Variants in NFYC observed in about 807,000 individuals in gnomAD.
NFYC encodes nuclear transcription factor Y subunit gamma, also known as CAAT box DNA-binding protein subunit C.
A neutral mutation model predicts 53.1 loss-of-function variants in NFYC; 25 were observed. The observed-to-expected ratio is 0.47, with a 90% CI of 0.34 to 0.66. The LOEUF is 0.66. Among genes scored for constraint, NFYC ranks in the 30% least tolerant of loss-of-function variants. The pLI is 0.01. For missense variants in NFYC, 260 were observed against 422.7 expected (o/e 0.62, Z 3.38); for synonymous variants, 145 against 152.6 (o/e 0.95, Z 0.37).
At chr1:40,730,349 T>G (rs977693212) in intron 1 of NFYC, among the ~76,000 whole-genome samples, 3 of 152,092 alleles carry the variant, frequency 2.0e-5, no homozygotes, top group Non-Finnish European at 2.9e-5. Flanking sequence ...CCTTTAGCTT[T>G]TAAGTGAAAG....
intron 6 of NFYC, among the ~76,000 whole-genome samples, chr1:40,758,879 A>C (rs921904434): frequency 2.3e-4 from 35 of 152,302 alleles, no homozygotes; most frequent in Middle Eastern, 3.4e-3. Context: ...TCTGAATCCA[A>C]ATTCTCTGTC....
intron 1 of NFYC, among the ~76,000 whole-genome samples, chr1:40,725,576 A>AT (rs1644481040): frequency 1.3e-5 from 2 of 152,238 alleles, no homozygotes; most frequent in African/African-American, 2.4e-5. Flanking sequence ...GTGTAAACAT[A>AT]AAAACCAAAT....
intron 1 of NFYC, chr1:40,723,919 C>T (rs1334308962): frequency 6.6e-6 from 1 of 152,212 alleles, no homozygotes; most frequent in East Asian, 1.9e-4. Context: ...TCAAGTGATC[C>T]TCCCGCCTTG....
Position 40,770,969 on chromosome 1 carries a change from A to G in NFYC, c.*141A>G, listed in dbSNP as rs1219759160. The stretch of plus-strand genomic sequence containing the variant: ...CTAGGACACTGGTGCACTACACCCC[A>G]TGCCTGGGGGCCGAGATTCTCCAGC... On this transcript the variant is annotated 3_prime_UTR_variant, in exon 10 of 10. Coordinates refer to ENST00000447388, the MANE Select transcript of NFYC (RefSeq NM_014223.5). The surrounding 1 kb of genome is among the most constrained non-coding windows in gnomAD (Gnocchi z 5.3). 4 of 795,778 alleles carry G rather than the reference A, an allele frequency of 5.0e-6. No homozygotes were observed. The highest frequency in any genetic ancestry group is 2.6e-5 in the Admixed American group (1 of 39,112). The allele number at this position is 795,778 out of a possible 1,614,324, so 49.3% of individuals were successfully genotyped here. A position where few individuals can be genotyped will look rare whatever the true frequency, so the allele number is the denominator to read the frequency against.
intron 1 of NFYC, among the ~76,000 whole-genome samples, chr1:40,737,714 A>T (rs1645112940): frequency 6.6e-6 from 1 of 152,120 alleles, no homozygotes; most frequent in Non-Finnish European, 1.5e-5. Flanking sequence ...GGTTAAGGTT[A>T]GGAAAGAACT....
chr1:40,693,490 G>T (rs181584402), intron 1 of NFYC, among the ~76,000 whole-genome samples: 1 of 152,238 alleles, frequency 6.6e-6, no homozygotes, highest in Non-Finnish European at 1.5e-5. Flanking sequence ...AAACTCCTAG[G>T]GTTTTCAAAT....
At chr1:40,764,815 A>G (rs1646735128) in intron 7 of NFYC, among the ~76,000 whole-genome samples, 1 of 152,218 alleles carries the variant, frequency 6.6e-6, no homozygotes, top group Non-Finnish European at 1.5e-5. Context: ...GTCCTGCTGT[A>G]GAGGAATGAG....
chr1:40,702,162 A>G (rs946315126), intron 1 of NFYC, among the ~76,000 whole-genome samples: 1 of 152,088 alleles, frequency 6.6e-6, no homozygotes, highest in African/African-American at 2.4e-5. Flanking sequence ...AATATAACTT[A>G]TTTTCAAAAA....
At chr1:40,711,247 T>C (rs1175378676) in intron 1 of NFYC, among the ~76,000 whole-genome samples, 1 of 152,202 alleles carries the variant, frequency 6.6e-6, no homozygotes. Context: ...AGAATGCTTA[T>C]AATAAGAAAA....
At chr1:40,731,799 C>T (rs1330561159) in intron 1 of NFYC, among the ~76,000 whole-genome samples, 1 of 152,188 alleles carries the variant, frequency 6.6e-6, no homozygotes, top group East Asian at 1.9e-4. Flanking sequence ...CTTTATTTTT[C>T]TTAATCTTTC....
intron 7 of NFYC, among the ~76,000 whole-genome samples, chr1:40,763,723 A>G (rs79093051): frequency 2.0e-5 from 3 of 152,290 alleles, no homozygotes; most frequent in African/African-American, 4.8e-5. Flanking sequence ...CCTGACCACA[A>G]CTTGCTTCAC....
rs565389740 is a variant in NFYC, at chr1:40,700,190, G to A, written c.-9+8323G>A. ...TCTTAAGGATGAATGTGATTTCAAA[G>A]GTCATCTAATCCAATGCCCAATAAC... On this transcript the variant is annotated intron_variant, in intron 1 of 9. Coordinates refer to ENST00000447388, the MANE Select transcript of NFYC (RefSeq NM_014223.5). 2.6e-5 allele frequency among the ~76,000 whole-genome samples: 4 copies of A among 152,236 alleles called. No individual in the cohort carries two copies. The South Asian group carries it at 8.3e-4, about 32-fold the overall frequency.
At chr1:40,764,229 G>A (rs982878046) in intron 7 of NFYC, among the ~76,000 whole-genome samples, 1 of 152,180 alleles carries the variant, frequency 6.6e-6, no homozygotes, top group South Asian at 2.1e-4. Flanking sequence ...TAAATGAAAC[G>A]TAGGCAGGTA....
In NFYC at chr1:40,731,821, T is replaced by C. The variant is rs116476696; in HGVS notation, c.-8-7015T>C. ...TTTCTTAATCTTTCTTCAATGTATG[T>C]ATAGTTCATACTTATTTCAGTGTTT... On this transcript the variant is annotated intron_variant, in intron 1 of 9. Coordinates refer to ENST00000447388, the MANE Select transcript of NFYC (RefSeq NM_014223.5). Among the ~76,000 whole-genome samples the C allele has an allele frequency of 2.7e-3, 414 of 152,358 alleles. 1 individual carries two copies. The highest frequency in any genetic ancestry group is 9.5e-3 in the African/African-American group (394 of 41,588).
chr1:40,710,812 A>T (rs753394961), intron 1 of NFYC, among the ~76,000 whole-genome samples: 51 of 152,192 alleles, frequency 3.4e-4, no homozygotes, highest in Non-Finnish European at 5.7e-4. Context: ...AAGTTCCTGG[A>T]TGCAGGCCTC....
In NFYC at chr1:40,770,732, C is replaced by T. The variant is rs1274539450; in HGVS notation, c.912C>T (p.Val304=). Residue 304 remains valine, a synonymous_variant, in exon 10 of 10, where the codon GTC becomes GTT. Coordinates refer to ENST00000447388, the MANE Select transcript of NFYC (RefSeq NM_014223.5). This position sits in a 1 kb window ranked among gnomAD's most constrained non-coding sequence, Gnocchi z 5.3. ...DGQQLYQIQQ[V]TMPAGQDLAQ... ...AGCAGCTCTACCAGATCCAGCAAGT[C>T]ACCATGCCTGCGGGCCAGGACCTCG... The T allele has an allele frequency of 6.2e-7, 1 of 1,614,154 alleles. No individual in the cohort carries two copies.
chr1:40,758,537 T>C (rs992113612), intron 6 of NFYC: 1 of 410,810 alleles, frequency 2.4e-6, no homozygotes, highest in African/African-American at 2.1e-5. Flanking sequence ...TTCTCCAGGA[T>C]CCCTATTAGC....
intron 1 of NFYC, chr1:40,709,536 G>C (rs536064781): frequency 8.5e-5 from 13 of 152,300 alleles, no homozygotes; most frequent in South Asian, 2.1e-4. Context: ...CCGTCCTTTG[G>C]GGGGTAGGGA....
chr1:40,771,126 G>A lies in NFYC; in HGVS notation c.*298G>A, dbSNP rs908631037. On this transcript the variant is annotated 3_prime_UTR_variant, in exon 10 of 10. Coordinates refer to ENST00000447388, the MANE Select transcript of NFYC (RefSeq NM_014223.5). ...AATAACATATTTATGGCATTTTCTT[G>A]AAGAGTGTGGTTGAAGAAATATTTC... 6.7e-6 allele frequency: 3 copies of A among 446,884 alleles called. No individual in the cohort carries two copies. Among genetic ancestry groups the A allele is most frequent in the Non-Finnish European group, 1.2e-5 (3 of 249,782 alleles). 27.7% of individuals were successfully genotyped at this position (446,884 alleles called of 1,614,324 possible). A position where few individuals can be genotyped will look rare whatever the true frequency, so the allele number is the denominator to read the frequency against.
Sources: gnomAD v4.1 joint callset for allele counts (sites outside exome capture counted in the v4.1 genomes callset) on GRCh38, gnomAD v4.1.1 for gene constraint, Gnocchi (gnomAD v3.1) non-coding constraint, MANE v1.5 for transcripts, NCBI Gene and HGNC (gene_info 2026-07-23, HGNC 2026-07-21) for gene names.